Variants in ZNF48 observed in about 807,000 individuals in gnomAD.
ZNF48 encodes zinc finger protein 48, also known as zinc finger protein 553.
Under a neutral mutation model 40.0 loss-of-function variants are expected in ZNF48, and 20 were observed. The ratio of observed to expected loss-of-function variants is 0.50; its 90% confidence interval spans 0.35 to 0.73. ZNF48 has a LOEUF of 0.73. Among genes scored for constraint, ZNF48 ranks in the 30% least tolerant of loss-of-function variants. ZNF48 has a pLI of 0.01. For synonymous variants in ZNF48, 298 were observed against 329.7 expected (o/e 0.90, Z 1.04); for missense variants, 726 against 851.9 (o/e 0.85, Z 1.84).
intron 1 of ZNF48, among the ~76,000 whole-genome samples, chr16:30,387,622 G>A (rs953242644): frequency 6.8e-6 from 1 of 147,872 alleles, no homozygotes; most frequent in Non-Finnish European, 1.5e-5. Flanking sequence ...ACAATGGCGC[G>A]ATCTCGGCTC....
chr16:30,381,257 A>T lies in ZNF48; in HGVS notation c.-16+2847A>T. 1 of 1,613,538 alleles carries T rather than the reference A, an allele frequency of 6.2e-7. No homozygotes were observed. The highest frequency in any genetic ancestry group is 8.5e-7 in the Non-Finnish European group (1 of 1,179,568). ...TAGGGGCCGGAGCCTGCACCCAGGG[A>T]TTGGTCATTGCCCAGCCTCAGGGGG... On this transcript the variant is annotated intron_variant, in intron 1 of 2. Coordinates refer to the ZNF48 transcript ENST00000528032. The surrounding 1 kb of genome is among the most constrained non-coding windows in gnomAD (Gnocchi z 4.3).
intron 1 of ZNF48, chr16:30,378,831 G>A (rs2049791603): frequency 1.8e-6 from 1 of 552,734 alleles, no homozygotes; most frequent in East Asian, 6.8e-5. Context: ...TAGGGCCGGA[G>A]GCAAAGCGGG....
rs764116375 is a variant in ZNF48 at position 30,379,196 on chromosome 16, C to G, written c.-16+786C>G. 2.5e-6 allele frequency: 4 copies of G among 1,613,252 alleles called. No homozygotes were observed. The East Asian group carries it at 8.9e-5, about 36-fold the overall frequency. ...TGTGGGTTCTCCACTGGAGGGGGGG[C>G]GGCGCGGACCAGCGAACGTCAGGGA... On this transcript the variant is annotated intron_variant, in intron 1 of 2. Coordinates refer to the ZNF48 transcript ENST00000528032.
At position 30,395,794 on chromosome 16, in the gene ZNF48, G is replaced by A. The variant is rs2049978340; in HGVS notation, c.-1G>A. 1.3e-6 allele frequency: 2 copies of A among 1,540,496 alleles called. No individual in the cohort carries two copies. The highest frequency in any genetic ancestry group is 1.7e-6 in the Non-Finnish European group (2 of 1,146,362). ...CCCTTGCTCAGGGCGGCGTGCCGGC[G>A]ATGGAGCGCGCGGTAGAGCCTTGGG... On this transcript the variant is annotated 5_prime_UTR_variant, in exon 2 of 3. Transcript: ENST00000613509. The surrounding 1 kb of genome is among the most constrained non-coding windows in gnomAD (Gnocchi z 5.9).
At position 30,395,430 on chromosome 16, in the gene ZNF48, G is replaced by C; in HGVS notation, c.-164G>C. 1 of 356,870 alleles carries C rather than the reference G, an allele frequency of 2.8e-6. No homozygotes were observed. Among genetic ancestry groups the C allele is most frequent in the Non-Finnish European group, 5.5e-6 (1 of 181,838 alleles). The allele number at this position is 356,870 out of a possible 1,614,324, so 22.1% of individuals were successfully genotyped here. A position where few individuals can be genotyped will look rare whatever the true frequency, so the allele number is the denominator to read the frequency against. ...GCTTCCGCTTCCCGTCCCCGCCCCC[G>C]GTGGCCGCCCCCGGGACGCCTGGGT... is the stretch of plus-strand genomic sequence containing the variant. On this transcript the variant is annotated 5_prime_UTR_variant, in exon 1 of 3. Coordinates refer to ENST00000613509, the MANE Select transcript of ZNF48 (RefSeq NM_001214909.2). The surrounding 1 kb of genome is among the most constrained non-coding windows in gnomAD (Gnocchi z 5.9).
upstream of ZNF48, among the ~76,000 whole-genome samples, chr16:30,392,358 G>A (rs1230840887): frequency 1.3e-5 from 2 of 151,838 alleles, no homozygotes. Context: ...CACCATGTTG[G>A]CCAGGCTGGT....
At position 30,398,587 on chromosome 16, in the gene ZNF48, C is replaced by G. The variant is rs142217631; in HGVS notation, c.1337C>G (p.Ala446Gly). 1 of 1,611,890 alleles carries G rather than the reference C, an allele frequency of 6.2e-7. No individual in the cohort carries two copies. Among genetic ancestry groups the G allele is most frequent in the Non-Finnish European group, 8.5e-7 (1 of 1,179,680 alleles). The change falls in exon 3 of 3, where the codon GCG becomes GGG. Residue 446 changes from alanine to glycine, a missense_variant. Around this residue, in one of 5 missense-constraint regions of ZNF48, gnomAD observed 378 missense variants for 449.1 expected, o/e 0.84. Transcript: ENST00000613509. The surrounding 1 kb of genome is among the most constrained non-coding windows in gnomAD (Gnocchi z 6.6). ...GCTGGGGAGCCACCCCCACCACTGG[C>G]GGGCGACAAGCCCCACAAGTGCCCT... ...PQAGEPPPPL[A>G]GDKPHKCPEC...
At chr16:30,378,346 C>CG (rs988503603) in exon 1 of ZNF48, 51 of 1,294,728 alleles carry the variant, frequency 3.9e-5, no homozygotes, top group Middle Eastern at 2.6e-4. Flanking sequence ...GCGGAGGTCC[C>CG]GGGGGGCGCT....
At chr16:30,380,977 C>T (rs1036641844) in intron 1 of ZNF48, 92 of 725,194 alleles carry the variant, frequency 1.3e-4, no homozygotes, top group Non-Finnish European at 2.5e-5. Flanking sequence ...GCTATGCTGG[C>T]GGCTTACCAC....
upstream of ZNF48, among the ~76,000 whole-genome samples, chr16:30,392,756 T>A (rs2049952478): frequency 6.6e-6 from 1 of 152,140 alleles, no homozygotes; most frequent in African/African-American, 2.4e-5. Flanking sequence ...AAAGACAGTA[T>A]CTGCACCCAC....
At chr16:30,378,896 GAGGGA>G (rs2049795872) in intron 1 of ZNF48, 1 of 569,628 alleles carries the variant, frequency 1.8e-6, no homozygotes, top group African/African-American at 2.0e-5. Context: ...GGGAGGGAGG[GAGGGA>G]GAGAGAAGTC....
chr16:30,378,456 C>T (rs751185887), intron 1 of ZNF48: 1 of 1,574,798 alleles, frequency 6.4e-7, no homozygotes, highest in Non-Finnish European at 8.6e-7. Context: ...TGACTGCTCG[C>T]CCTGGGCCTG....
intron 1 of ZNF48, chr16:30,379,434 C>A: frequency 6.2e-7 from 1 of 1,613,142 alleles, no homozygotes; most frequent in Non-Finnish European, 8.5e-7. Flanking sequence ...GCCTCACTCA[C>A]CCTCCACGGT....
chr16:30,381,525 G>T lies in ZNF48; in HGVS notation c.-16+3115G>T. On this transcript the variant is annotated intron_variant, in intron 1 of 2. Coordinates refer to the ZNF48 transcript ENST00000528032. The surrounding 1 kb of genome is among the most constrained non-coding windows in gnomAD (Gnocchi z 4.3). ...CAGAGATCAAAGGCCAGAGGGCAGG[G>T]GGCAAGGCTAGCCAGGACTGTGGGA... 1 of 1,604,862 alleles carries T rather than the reference G, an allele frequency of 6.2e-7. No homozygotes were observed. Among genetic ancestry groups the T allele is most frequent in the South Asian group, 1.1e-5 (1 of 90,756 alleles).
chr16:30,384,179 C>T (rs548881858), intron 1 of ZNF48, among the ~76,000 whole-genome samples: 4 of 152,130 alleles, frequency 2.6e-5, no homozygotes, highest in African/African-American at 9.6e-5. Context: ...TGCACCGCTA[C>T]ACTCCATCCT....
chr16:30,381,844 A>G lies in ZNF48; in HGVS notation c.-16+3434A>G, dbSNP rs148720173. 110 of 1,613,762 alleles carry G rather than the reference A, an allele frequency of 6.8e-5. 2 individuals carry two copies. The African/African-American group carries it at 1.1e-3, about 16-fold the overall frequency. Reference sequence around the variant, plus strand: ...TTTCACACCCCCTTCCTCAATCTCTACGCCCCGGCGCTCAATGGCCAGGGT... The same window carrying G: ...TTTCACACCCCCTTCCTCAATCTCTGCGCCCCGGCGCTCAATGGCCAGGGT... On this transcript the variant is annotated intron_variant, in intron 1 of 2. Coordinates refer to the ZNF48 transcript ENST00000528032. This position sits in a 1 kb window ranked among gnomAD's most constrained non-coding sequence, Gnocchi z 4.3.
chr16:30,395,170 C>G (rs1257049468), upstream of ZNF48: 1 of 453,300 alleles, frequency 2.2e-6, no homozygotes, highest in Non-Finnish European at 4.4e-6. This position sits in a 1 kb window ranked among gnomAD's most constrained non-coding sequence, Gnocchi z 5.9. Context: ...GGGAGGTCGG[C>G]GCGGGTGGCT....
chr16:30,379,896 C>A, intron 1 of ZNF48: 2 of 1,181,682 alleles, frequency 1.7e-6, no homozygotes, highest in South Asian at 1.3e-5. Context: ...CGTGAGCCAC[C>A]GTGCCCGGCC....
intron 1 of ZNF48, among the ~76,000 whole-genome samples, chr16:30,387,379 A>G (rs138804090): frequency 0.022 from 3,210 of 146,854 alleles, 51 homozygotes; most frequent in Non-Finnish European, 0.036. Context: ...ACATGTTGAA[A>G]TCCTGTCTCT....
Sources: allele counts gnomAD v4.1 joint callset (sites outside exome capture counted in the v4.1 genomes callset), GRCh38; gene constraint gnomAD v4.1.1; regional missense constraint gnomAD v4.1.1; non-coding constraint Gnocchi (gnomAD v3.1); transcripts MANE v1.5; gene names NCBI Gene and HGNC (gene_info 2026-07-23, HGNC 2026-07-21).